Variants in CLIC2 observed in about 807,000 individuals in gnomAD.
CLIC2 encodes the protein chloride intracellular channel protein 2.
A neutral mutation model predicts 14.8 loss-of-function variants in CLIC2; 9 were observed. The ratio of observed to expected loss-of-function variants is 0.61; its 90% CI spans 0.37 to 1.06. The LOEUF is 1.06. CLIC2 is among the 50% of genes least tolerant of loss of function. The pLI is 0.01. For missense variants in CLIC2, 148 were observed against 181.4 expected, an observed-to-expected ratio of 0.82 and a Z score of 1.06; for synonymous variants, 61 against 66.3, an observed-to-expected ratio of 0.92 and a Z score of 0.39.
At chrX:155,305,070 G>GGC (rs2075046482) in intron 1 of CLIC2, among the ~76,000 whole-genome samples, 1 of 112,330 alleles carries the variant, frequency 8.9e-6, no homozygotes, top group Non-Finnish European at 1.9e-5. Context: ...GGAGCCTACA[G>GGC]AGGCAGGCAG....
intron 1 of CLIC2, among the ~76,000 whole-genome samples, chrX:155,309,177 G>A (rs1289126673): frequency 6.3e-5 from 7 of 111,733 alleles, no homozygotes; most frequent in African/African-American, 1.3e-4. Flanking sequence ...ATGGTGGCAC[G>A]TGCCTGTAGT....
At position 155,279,273 on chromosome X, in the gene CLIC2, G is replaced by A. The variant is rs1557316154; in HGVS notation, c.458C>T (p.Pro153Leu). 8.3e-7 allele frequency: 1 copy of A among 1,209,724 alleles called. No individual in the cohort carries two copies. The highest frequency in any genetic ancestry group is 1.1e-6 in the Non-Finnish European group (1 of 893,520). The change falls in exon 5 of 6, where the codon CCA becomes CTA. Residue 153 changes from proline (P) to leucine (L), a missense_variant. Physicochemically the swap from Pro to Leu is moderately conservative, Grantham distance 98 (BLOSUM62 -3). Coordinates refer to ENST00000369449, the MANE Select transcript of CLIC2 (RefSeq NM_001289.6). ...GTCTGGATCAATTTCATCCAGAAGT[G>A]GGGTGTTTAAGTAGTCATCCAGACG... The part of the protein sequence containing the change: ...FKRLDDYLNT[P>L]LLDEIDPDSA...
At position 155,277,254 on chromosome X, in the gene CLIC2, G is replaced by A. The variant is rs1452742905; in HGVS notation, c.*649C>T. 3 of 111,283 alleles carry A rather than the reference G, an allele frequency of 2.7e-5. No homozygotes were observed. The Admixed American group carries it at 2.9e-4, about 11-fold the overall frequency. The allele number at this position is 111,283 out of a possible 1,213,427, so 9.2% of individuals were successfully genotyped here. On this transcript the variant is annotated 3_prime_UTR_variant, in exon 6 of 6. Transcript: ENST00000369449. Reference sequence around the variant, plus strand: ...TTCTTATATTGTTTTTTAAAATTATGTTTTATTTAATGAGTGCTTCTTCAT... The same window carrying A: ...TTCTTATATTGTTTTTTAAAATTATATTTTATTTAATGAGTGCTTCTTCAT...
Position 155,293,415 on chromosome X carries a change from T to C in CLIC2, c.293+5370A>G, listed in dbSNP as rs781856923. Reference sequence around the variant, plus strand: ...GCTCCCAGTGTGAGAATAGTGGCCATCCTTCTTGCCTGGATATAAAGAAAA... The same window carrying C: ...GCTCCCAGTGTGAGAATAGTGGCCACCCTTCTTGCCTGGATATAAAGAAAA... On this transcript the variant is annotated intron_variant, in intron 3 of 5. Transcript: ENST00000369449. 8.0e-6 allele frequency: 6 copies of C among 749,528 alleles called. No homozygotes were observed. In the Admixed American group the frequency reaches 8.9e-5, roughly 11 times the overall value. 61.8% of individuals were successfully genotyped at this position (749,528 alleles called of 1,213,427 possible).
chrX:155,285,359 T>C (rs1420037403), intron 3 of CLIC2, among the ~76,000 whole-genome samples: 1 of 111,863 alleles, frequency 8.9e-6, no homozygotes, highest in African/African-American at 3.2e-5. Flanking sequence ...AGATAATTTT[T>C]AATATATTTG....
chrX:155,319,976 C>T (rs1557321454), intron 1 of CLIC2, among the ~76,000 whole-genome samples: 1 of 112,628 alleles, frequency 8.9e-6, no homozygotes, highest in Non-Finnish European at 1.9e-5. Flanking sequence ...CACTGCAGCT[C>T]GGCAAAGCCG....
At chrX:155,278,151 A>G (rs2074905183) in intron 5 of CLIC2, 87 bp from the exon 6 acceptor site, 8 of 800,472 alleles carry the variant, frequency 1.0e-5, no homozygotes, top group Admixed American at 2.3e-5. Flanking sequence ...CAAGATTATC[A>G]AAGGCATCTT....
At chrX:155,325,772 ATAT>A (rs1569561401) in intron 1 of CLIC2, among the ~76,000 whole-genome samples, 1 of 56,493 alleles carries the variant, frequency 1.8e-5, no homozygotes, top group East Asian at 6.3e-4. Context: ...ATATATATAT[ATAT>A]ATATATATAT....
chrX:155,297,216 A>G (rs1256313732), intron 3 of CLIC2, among the ~76,000 whole-genome samples: 1 of 111,691 alleles, frequency 9.0e-6, no homozygotes. Flanking sequence ...GCACAAAAAG[A>G]CAAAAATAGC....
At chrX:155,293,109 T>C (rs2074980451) in intron 3 of CLIC2, 6 of 617,106 alleles carry the variant, frequency 9.7e-6, no homozygotes, top group Non-Finnish European at 1.7e-5. Flanking sequence ...GCGAAGATGG[T>C]TGAGGTGATG....
intron 1 of CLIC2, among the ~76,000 whole-genome samples, chrX:155,313,891 G>C (rs1260490969): frequency 1.8e-5 from 2 of 111,648 alleles, no homozygotes; most frequent in Non-Finnish European, 3.8e-5. Context: ...CTGCATGGGT[G>C]CGGGATGAGC....
chrX:155,311,032 G>C (rs373854692), intron 1 of CLIC2, among the ~76,000 whole-genome samples: 9 of 111,885 alleles, frequency 8.0e-5, no homozygotes, highest in African/African-American at 2.9e-4. Context: ...TCATTCTTAG[G>C]TCTCAGGGCC....
At chrX:155,332,782 C>A (rs2075161093) in intron 1 of CLIC2, among the ~76,000 whole-genome samples, 1 of 112,076 alleles carries the variant, frequency 8.9e-6, no homozygotes, top group African/African-American at 3.2e-5. Flanking sequence ...AGATTACCAC[C>A]CAAATATGAA....
chrX:155,301,521 C>T (rs1387644022), intron 1 of CLIC2, among the ~76,000 whole-genome samples: 1 of 105,384 alleles, frequency 9.5e-6, no homozygotes, highest in Non-Finnish European at 2.0e-5. Flanking sequence ...ATGTCGTCTG[C>T]ACACAGGGAC....
At chrX:155,296,916 C>A (rs868965297) in intron 3 of CLIC2, among the ~76,000 whole-genome samples, 9 of 111,520 alleles carry the variant, frequency 8.1e-5, no homozygotes, top group South Asian at 3.7e-4. Context: ...TCTGAAAAAA[C>A]CAAAAGTAGC....
Position 155,317,659 on chromosome X carries a change from T to C in CLIC2, c.57+16712A>G, listed in dbSNP as rs377656581. On this transcript the variant is annotated intron_variant, in intron 1 of 5. Coordinates refer to ENST00000369449, the MANE Select transcript of CLIC2 (RefSeq NM_001289.6). ...CAAAGAAGAATTGGTACCAATCCTA[T>C]TGACACTATTCCATTGGATAAAAAG... is the stretch of plus-strand genomic sequence containing the variant. Among the ~76,000 whole-genome samples the C allele has an allele frequency of 2.9e-4, 33 of 112,019 alleles. No individual in the cohort carries two copies. The East Asian group carries it at 8.7e-3, about 29-fold the overall frequency.
chrX:155,277,680 G>C lies in CLIC2; in HGVS notation c.*223C>G, dbSNP rs2124144032. 1 of 368,482 alleles carries C rather than the reference G, an allele frequency of 2.7e-6. No homozygotes were observed. The highest frequency in any genetic ancestry group is 2.6e-5 in the African/African-American group (1 of 38,896). The allele number at this position is 368,482 out of a possible 1,213,427, so 30.4% of individuals were successfully genotyped here. ...GCTTTCCATGTCATTCAGGATTGCA[G>C]TGGTTTGCCATACAGATAAAGAAAA... On this transcript the variant is annotated 3_prime_UTR_variant, in exon 6 of 6. Transcript: ENST00000369449.
intron 1 of CLIC2, among the ~76,000 whole-genome samples, chrX:155,325,091 TAA>T (rs2075131245): frequency 8.9e-6 from 1 of 111,951 alleles, no homozygotes; most frequent in Non-Finnish European, 1.9e-5. Flanking sequence ...TGGCAATCAT[TAA>T]AAAGTCAGGA....
intron 3 of CLIC2, among the ~76,000 whole-genome samples, chrX:155,281,095 T>G (rs1275645900): frequency 1.9e-5 from 2 of 107,640 alleles, no homozygotes; most frequent in African/African-American, 6.8e-5. Context: ...GGACGTTATG[T>G]TAAGTGAAAT....
Sources: allele counts gnomAD v4.1 joint callset (sites outside exome capture counted in the v4.1 genomes callset), GRCh38; gene constraint gnomAD v4.1.1; transcripts MANE v1.5; gene names NCBI Gene and HGNC (gene_info 2026-07-23, HGNC 2026-07-21).